The following TAF1 variants were observed in gnomAD, a reference collection of about 807,000 sequenced individuals.
TAF1 encodes TATA-box binding protein associated factor 1.
TAF1 carries 2 observed loss-of-function variants against 138.5 expected under a neutral mutation model. The observed-to-expected ratio is 0.01, with a 90% CI of 0.01 to 0.05. The LOEUF is 0.05. Among genes scored for constraint, TAF1 ranks in the 10% least tolerant of loss-of-function variants. The probability of loss-of-function intolerance (pLI) is 1.00; values close to 1 mark genes in which losing one functional copy is unlikely to be tolerated. For missense variants in TAF1, 709 were observed against 1,478.0 expected (o/e 0.48, Z 8.53); for synonymous variants, 437 against 503.2 (o/e 0.87, Z 1.76).
intron 23 of TAF1, 139 bp downstream of exon 23, chrX:71,397,605 C>T (rs1021847482): frequency 8.4e-5 from 59 of 700,894 alleles, no homozygotes; most frequent in Non-Finnish European, 1.2e-4. Flanking sequence ...GCCTCAACTT[C>T]CAGAGTAGCT....
At chrX:71,486,915 A>G (rs2039181567) in intron 13 of TAF1, among the ~76,000 whole-genome samples, 1 of 106,829 alleles carries the variant, frequency 9.4e-6, no homozygotes, top group Non-Finnish European at 1.9e-5. Flanking sequence ...TTGATCTTGG[A>G]ATCTCTGTAT....
chrX:71,397,229 A>G (rs915904733), intron 22 of TAF1, 24 bp from the exon 23 acceptor site: 3 of 1,203,227 alleles, frequency 2.5e-6, no homozygotes, highest in Admixed American at 4.4e-5. Flanking sequence ...GAACGTTTGG[A>G]AATCTTTTCT....
At chrX:71,502,567 G>A (rs937335164) in intron 13 of TAF1, among the ~76,000 whole-genome samples, 12 of 112,707 alleles carry the variant, frequency 1.1e-4, no homozygotes, top group African/African-American at 3.9e-4. Context: ...TCATACTGGT[G>A]GACTTTTACA....
At chrX:71,500,187 T>G (rs2039472521) in intron 13 of TAF1, among the ~76,000 whole-genome samples, 1 of 111,276 alleles carries the variant, frequency 9.0e-6, no homozygotes, top group Non-Finnish European at 1.9e-5. Context: ...CTGTGGGATG[T>G]AAATTGCAAG....
At chrX:71,492,410 C>T in intron 13 of TAF1, 1 of 131,885 alleles carries the variant, frequency 7.6e-6, no homozygotes, top group Middle Eastern at 7.3e-4. Context: ...TGGACGCGTT[C>T]TCACGGTTCT....
intron 5 of TAF1, 139 bp from the exon 6 acceptor site, chrX:71,377,464 G>A (rs1046740907): frequency 7.1e-6 from 6 of 846,846 alleles, no homozygotes; most frequent in South Asian, 5.5e-5. Flanking sequence ...TTTCTTAGAC[G>A]TTACAAGTCT....
chrX:71,529,483 C>T (rs2040064252), intron 14 of TAF1: 1 of 222,763 alleles, frequency 4.5e-6, no homozygotes, highest in East Asian at 1.3e-4. Context: ...TCTCCAAGTC[C>T]CCACCCAACC....
intron 4 of TAF1, 44 bp from the exon 5 acceptor site, chrX:71,376,905 AT>A (rs1293917401): frequency 2.5e-6 from 3 of 1,197,297 alleles, no homozygotes; most frequent in Non-Finnish European, 2.3e-6. Context: ...TCGAGGAAAT[AT>A]GTTCACAGTT....
intron 13 of TAF1, among the ~76,000 whole-genome samples, chrX:71,519,993 T>C (rs1052523198): frequency 1.8e-5 from 2 of 108,733 alleles, no homozygotes; most frequent in Non-Finnish European, 3.8e-5. Flanking sequence ...GTTGTATTTT[T>C]AGTGGAGATG....
At chrX:71,516,037 GT>G (rs1231543608) in intron 13 of TAF1, among the ~76,000 whole-genome samples, 2 of 109,115 alleles carry the variant, frequency 1.8e-5, no homozygotes, top group African/African-American at 6.7e-5. Context: ...GAGGGAGGGA[GT>G]TTTTTTAAAA....
intron 34 of TAF1, among the ~76,000 whole-genome samples, chrX:71,457,522 C>T (rs2038359902): frequency 8.9e-6 from 1 of 111,981 alleles, no homozygotes; most frequent in African/African-American, 3.2e-5. Flanking sequence ...CAGAATAGTC[C>T]ATTTGCTGAA....
chrX:71,528,614 C>T (rs769841434), exon 14 of TAF1: 3 of 329,643 alleles, frequency 9.1e-6, no homozygotes, highest in East Asian at 9.7e-5. Context: ...CTGCTCTACC[C>T]GATTCTCAGC....
intron 34 of TAF1, among the ~76,000 whole-genome samples, chrX:71,455,498 G>C (rs1415489822): frequency 3.6e-5 from 4 of 111,631 alleles, no homozygotes; most frequent in African/African-American, 1.3e-4. Flanking sequence ...TTGAAGAATA[G>C]GACTTAACAG....
At chrX:71,477,645 C>G (rs1397664300) in intron 13 of TAF1, among the ~76,000 whole-genome samples, 1 of 111,991 alleles carries the variant, frequency 8.9e-6, no homozygotes, top group Non-Finnish European at 1.9e-5. Context: ...TAGACAATAA[C>G]ATAAAGGGCA....
In TAF1 at chrX:71,424,316, A is replaced by C. The variant is rs921075660; in HGVS notation, c.4753+78A>C. 9.5e-6 allele frequency: 9 copies of C among 943,149 alleles called. No homozygotes were observed. In the Admixed American group the frequency reaches 3.2e-4, roughly 34 times the overall value. The allele number at this position is 943,149 out of a possible 1,213,427, so 77.7% of individuals were successfully genotyped here. On this transcript the variant is annotated intron_variant, in intron 32 of 37. Coordinates refer to ENST00000423759, the MANE Select transcript of TAF1 (RefSeq NM_004606.5). ...CTAACATTACTTAGCATTATTAAAA[A>C]ATTTTTTTTTGAGACAGGATCTTGC...
intron 35 of TAF1, chrX:71,459,088 C>T (rs1161832822): frequency 8.9e-6 from 8 of 902,553 alleles, no homozygotes; most frequent in Non-Finnish European, 1.2e-5. Flanking sequence ...GGTGAGAGCC[C>T]TTGGTTAACT....
At chrX:71,510,932 C>T (rs892384002) in intron 13 of TAF1, among the ~76,000 whole-genome samples, 7 of 110,559 alleles carry the variant, frequency 6.3e-5, no homozygotes, top group African/African-American at 9.9e-5. Context: ...GGAGAAACCC[C>T]GTCTCTACTA....
At chrX:71,370,087 T>C (rs1295560572) in intron 3 of TAF1, among the ~76,000 whole-genome samples, 1 of 110,585 alleles carries the variant, frequency 9.0e-6, no homozygotes, top group Non-Finnish European at 1.9e-5. Context: ...TAGCTGGACA[T>C]GATGTCGTGT....
intron 26 of TAF1, 37 bp downstream of exon 26, chrX:71,406,783 T>C: frequency 4.5e-6 from 5 of 1,101,245 alleles, no homozygotes; most frequent in Middle Eastern, 2.5e-4. Flanking sequence ...ATTAGGTAGG[T>C]TATCATTGAT....
Sources: gnomAD v4.1 joint callset for allele counts (sites outside exome capture counted in the v4.1 genomes callset) on GRCh38, gnomAD v4.1.1 for gene constraint, MANE v1.5 for transcripts, NCBI Gene and HGNC (gene_info 2026-07-23, HGNC 2026-07-21) for gene names.